NUBPL: variants seen among roughly 807,000 people sequenced by gnomAD.
The protein encoded by NUBPL is iron-sulfur cluster transfer protein NUBPL.
A neutral mutation model predicts 45.7 loss-of-function variants in NUBPL; 31 were observed. The ratio of observed to expected loss-of-function variants is 0.68; its 90% CI spans 0.51 to 0.92. NUBPL has a LOEUF of 0.92. NUBPL is among the 40% of genes least tolerant of loss of function. The pLI is 0.00. For missense variants in NUBPL, 401 were observed against 398.7 expected, an observed-to-expected ratio of 1.01 and a Z score of -0.05; for synonymous variants, 144 against 140.9, an observed-to-expected ratio of 1.02 and a Z score of -0.15.
intron 6 of NUBPL, among the ~76,000 whole-genome samples, chr14:31,747,607 C>T (rs998337070): frequency 6.6e-6 from 1 of 152,066 alleles, no homozygotes; most frequent in Admixed American, 6.6e-5. Flanking sequence ...CATATATTTG[C>T]TTATAGTAGT....
At chr14:31,674,583 C>A (rs533136419) in intron 6 of NUBPL, among the ~76,000 whole-genome samples, 1 of 152,234 alleles carries the variant, frequency 6.6e-6, no homozygotes, top group East Asian at 1.9e-4. Context: ...TCCTTTGTGA[C>A]CTTGACCTTT....
intron 6 of NUBPL, among the ~76,000 whole-genome samples, chr14:31,689,932 G>GT (rs34845208): frequency 2.9e-4 from 42 of 146,354 alleles, no homozygotes; most frequent in African/African-American, 1.0e-3. Flanking sequence ...TTTCCCCATT[G>GT]TTTTTTTTTT....
chr14:31,773,744 G>T (rs184555571), intron 6 of NUBPL, among the ~76,000 whole-genome samples: 2 of 152,278 alleles, frequency 1.3e-5, no homozygotes, highest in Admixed American at 1.3e-4. Flanking sequence ...AGGAAATTAG[G>T]AGCAAACAGC....
At chr14:31,821,886 A>G (rs1014472496) in intron 7 of NUBPL, among the ~76,000 whole-genome samples, 41 of 152,256 alleles carry the variant, frequency 2.7e-4, no homozygotes, top group African/African-American at 9.2e-4. Context: ...ATTTGCAACA[A>G]CGTGGATGGA....
intron 6 of NUBPL, among the ~76,000 whole-genome samples, chr14:31,703,581 C>T (rs1433604418): frequency 6.6e-6 from 1 of 152,152 alleles, no homozygotes; most frequent in Non-Finnish European, 1.5e-5. Flanking sequence ...TGGCCGCAGA[C>T]AGAGAGCTTG....
At chr14:31,613,590 C>A (rs887846333) in intron 4 of NUBPL, among the ~76,000 whole-genome samples, 49 of 151,800 alleles carry the variant, frequency 3.2e-4, no homozygotes, top group Middle Eastern at 3.4e-3. Context: ...CCTAAGTAGC[C>A]GGGATTATAG....
At chr14:31,790,200 T>C (rs1441356239) in intron 7 of NUBPL, among the ~76,000 whole-genome samples, 1 of 152,210 alleles carries the variant, frequency 6.6e-6, no homozygotes, top group Non-Finnish European at 1.5e-5. Flanking sequence ...TCCACTTACT[T>C]TTCTTTAAGC....
At position 31,859,711 on chromosome 14, in the gene NUBPL, G is replaced by C. The variant is rs2040682362; in HGVS notation, c.*531G>C. 6.2e-6 allele frequency: 1 copy of C among 161,216 alleles called. No individual in the cohort carries two copies. Among genetic ancestry groups the C allele is most frequent in the Non-Finnish European group, 1.4e-5 (1 of 72,160 alleles). 10.0% of individuals were successfully genotyped at this position (161,216 alleles called of 1,614,324 possible). A position where few individuals can be genotyped will look rare whatever the true frequency, so the allele number is the denominator to read the frequency against. ...ATTTCAGTCTCCAGGAGTGGAGCCTGAACATATGTATTTTTAGTAAGACCA... is the reference window on the plus strand; with the variant it reads ...ATTTCAGTCTCCAGGAGTGGAGCCTCAACATATGTATTTTTAGTAAGACCA... On this transcript the variant is annotated 3_prime_UTR_variant, in exon 11 of 11. Transcript: ENST00000281081.
rs139855819 is a variant in NUBPL at position 31,742,213 on chromosome 14, A to G, written c.514-45567A>G. ...ATTTGCCTAATTCTCCACTGGCACT[A>G]TGAAACCAATTTTAACTATTGTGTA... On this transcript the variant is annotated intron_variant, in intron 6 of 10. Transcript: ENST00000281081. 6.6e-3 allele frequency among the ~76,000 whole-genome samples: 988 copies of G among 150,090 alleles called. 11 individuals are homozygous for G. Among genetic ancestry groups the G allele is most frequent in the African/African-American group, 0.023 (924 of 40,840 alleles).
chr14:31,651,221 C>T (rs868274118), intron 4 of NUBPL, among the ~76,000 whole-genome samples: 5 of 152,036 alleles, frequency 3.3e-5, no homozygotes, highest in Admixed American at 2.0e-4. Context: ...CAACCTCTGC[C>T]GCCTGGGTTC....
intron 4 of NUBPL, among the ~76,000 whole-genome samples, chr14:31,645,860 G>C (rs770416709): frequency 2.8e-4 from 39 of 139,284 alleles, no homozygotes; most frequent in Non-Finnish European, 4.2e-4. Context: ...AGCTATTACT[G>C]TTTTCGATAG....
chr14:31,696,732 A>G (rs2037222700), intron 6 of NUBPL, among the ~76,000 whole-genome samples: 1 of 152,240 alleles, frequency 6.6e-6, no homozygotes, highest in African/African-American at 2.4e-5. Context: ...GATTCTGTCC[A>G]TTCATATTAA....
intron 6 of NUBPL, among the ~76,000 whole-genome samples, chr14:31,693,842 A>AT (rs774276607): frequency 4.9e-5 from 6 of 122,352 alleles, no homozygotes; most frequent in Middle Eastern, 4.6e-3. Flanking sequence ...CATGAGGTAG[A>AT]TTTTCTTTTC....
Position 31,633,269 on chromosome 14 carries a change from T to C in NUBPL, c.382+33890T>C, listed in dbSNP as rs558665539. 2.0e-5 allele frequency among the ~76,000 whole-genome samples: 3 copies of C among 152,296 alleles called. No homozygotes were observed. In the South Asian group the frequency reaches 6.2e-4, roughly 32 times the overall value. On this transcript the variant is annotated intron_variant, in intron 4 of 10. Coordinates refer to ENST00000281081, the MANE Select transcript of NUBPL (RefSeq NM_025152.3). ...TCTTGCAACTGGCAGCCGAGGTGGGTTGCATGGTGCAGTGGTGCTGTTACC... is the reference window on the plus strand; with the variant it reads ...TCTTGCAACTGGCAGCCGAGGTGGGCTGCATGGTGCAGTGGTGCTGTTACC...
chr14:31,563,082 A>C (rs184361648), intron 2 of NUBPL, among the ~76,000 whole-genome samples: 1 of 152,330 alleles, frequency 6.6e-6, no homozygotes, highest in African/African-American at 2.4e-5. Context: ...TAATGAATTC[A>C]TGTGCTCTCC....
At chr14:31,667,347 T>G (rs905388081) in intron 4 of NUBPL, among the ~76,000 whole-genome samples, 2 of 151,950 alleles carry the variant, frequency 1.3e-5, no homozygotes, top group Non-Finnish European at 2.9e-5. Context: ...AATTCGACTA[T>G]TGATACTTGT....
intron 4 of NUBPL, among the ~76,000 whole-genome samples, chr14:31,632,634 A>G (rs963718584): frequency 6.6e-6 from 1 of 152,234 alleles, no homozygotes; most frequent in African/African-American, 2.4e-5. Flanking sequence ...ATACTCCCAA[A>G]GTAGTCTTCC....
intron 8 of NUBPL, among the ~76,000 whole-genome samples, chr14:31,843,521 C>T (rs1305323883): frequency 6.6e-6 from 1 of 152,170 alleles, no homozygotes; most frequent in Non-Finnish European, 1.5e-5. Context: ...GGCATAGTGG[C>T]CTCTCTTGCT....
intron 4 of NUBPL, among the ~76,000 whole-genome samples, chr14:31,629,665 A>T (rs1433262936): frequency 6.6e-6 from 1 of 152,204 alleles, no homozygotes; most frequent in African/African-American, 2.4e-5. Context: ...TCAGAGAATG[A>T]CAAGACTGAC....
Sources: allele counts gnomAD v4.1 joint callset (sites outside exome capture counted in the v4.1 genomes callset), GRCh38; gene constraint gnomAD v4.1.1; transcripts MANE v1.5; gene names NCBI Gene and HGNC (gene_info 2026-07-23, HGNC 2026-07-21).